KCNQ1: variants seen among roughly 807,000 people sequenced by gnomAD.
KCNQ1 encodes potassium voltage-gated channel subfamily Q member 1.
In KCNQ1, 49 loss-of-function variants were observed where a neutral mutation model predicts 72.4. The ratio of observed to expected loss-of-function variants is 0.68; its 90% CI spans 0.54 to 0.86. The LOEUF is 0.86. Ranked by LOEUF, KCNQ1 falls within the 40% of genes least tolerant of loss-of-function variation. The pLI, the probability that KCNQ1 is intolerant of heterozygous loss-of-function variation, is 0.00. For missense variants in KCNQ1, 790 were observed against 945.1 expected (o/e 0.84, Z 2.15); for synonymous variants, 450 against 412.6 (o/e 1.09, Z -1.10).
intron 2 of KCNQ1, among the ~76,000 whole-genome samples, chr11:2,545,276 A>G (rs569234952): frequency 6.6e-6 from 1 of 152,284 alleles, no homozygotes; most frequent in Admixed American, 6.5e-5. Context: ...TATTAGAGTA[A>G]TGCTGGCATG....
At chr11:2,686,854 C>T in intron 11 of KCNQ1, 2 of 398,698 alleles carry the variant, frequency 5.0e-6, no homozygotes, top group Non-Finnish European at 8.8e-6. Flanking sequence ...CCCCTCTGGC[C>T]AGAGGCCCTG....
chr11:2,495,530 C>T lies in KCNQ1; in HGVS notation c.387-32398C>T, dbSNP rs560519000. Among the ~76,000 whole-genome samples the T allele has an allele frequency of 2.2e-4, 34 of 152,256 alleles. 1 individual carries two copies. The highest frequency in any genetic ancestry group is 7.0e-4 in the African/African-American group (29 of 41,548). ...TAGCTGTGTCCCAGAAATTCTGGTA[C>T]GTTGTCTCTTTGTTTTCATTTGTTT... On this transcript the variant is annotated intron_variant, in intron 1 of 15. Transcript: ENST00000155840. This position sits in a 1 kb window ranked among gnomAD's most constrained non-coding sequence, Gnocchi z 4.6.
At chr11:2,619,076 CAG>C (rs1849119217) in intron 10 of KCNQ1, 1 of 398,300 alleles carries the variant, frequency 2.5e-6, no homozygotes, top group Non-Finnish European at 4.4e-6. Context: ...GTTGCTTTGT[CAG>C]AGTCTTCGGG....
chr11:2,586,369 T>C (rs1349787007), intron 8 of KCNQ1, among the ~76,000 whole-genome samples: 1 of 152,224 alleles, frequency 6.6e-6, no homozygotes, highest in Non-Finnish European at 1.5e-5. Flanking sequence ...CCTGGTTTTA[T>C]GGCTTCACAG....
In KCNQ1 at chr11:2,783,667, A is replaced by G. The variant is rs1035699086; in HGVS notation, c.1794+5630A>G. 6.6e-6 allele frequency among the ~76,000 whole-genome samples: 1 copy of G among 151,994 alleles called. No homozygotes were observed. The highest frequency in any genetic ancestry group is 1.5e-5 in the Non-Finnish European group (1 of 67,870). On this transcript the variant is annotated intron_variant, in intron 15 of 15. Coordinates refer to ENST00000155840, the MANE Select transcript of KCNQ1 (RefSeq NM_000218.3). The surrounding 1 kb of genome is among the most constrained non-coding windows in gnomAD (Gnocchi z 5.2). ...ACTTTCTCCACAGCCTTGCAAATAC[A>G]TGGTCTTTTCTATTTTAGCCCTTTT...
rs904736769 is a variant in KCNQ1 at position 2,544,303 on chromosome 11, T to C, written c.477+16285T>C. On this transcript the variant is annotated intron_variant, in intron 2 of 15. Transcript: ENST00000155840. This position sits in a 1 kb window ranked among gnomAD's most constrained non-coding sequence, Gnocchi z 4.4. ...ATGTGTATATATATATGTATATATG[T>C]GTATATATGTATATATCTATGTATA... 9.5e-6 allele frequency among the ~76,000 whole-genome samples: 1 copy of C among 104,814 alleles called. No homozygotes were observed. The highest frequency in any genetic ancestry group is 1.0e-4 in the Admixed American group (1 of 9,824). 68.8% of individuals were successfully genotyped at this position (104,814 alleles called of 152,430 possible). A position where few individuals can be genotyped will look rare whatever the true frequency, so the allele number is the denominator to read the frequency against.
At chr11:2,641,751 A>T (rs1221212429) in intron 10 of KCNQ1, 3 of 398,326 alleles carry the variant, frequency 7.5e-6, no homozygotes, top group Non-Finnish European at 1.3e-5. Flanking sequence ...TCCTTCATTA[A>T]TAGTGATGTT....
At chr11:2,825,216 C>T (rs1003380426) in intron 15 of KCNQ1, among the ~76,000 whole-genome samples, 2 of 152,328 alleles carry the variant, frequency 1.3e-5, no homozygotes, top group African/African-American at 2.4e-5. Context: ...ACCCTGCTGT[C>T]GGGCGTGTGC....
At position 2,621,012 on chromosome 11, in the gene KCNQ1, C is replaced by T. The variant is rs929807945; in HGVS notation, c.1393+32158C>T. On this transcript the variant is annotated intron_variant, in intron 10 of 15. Transcript: ENST00000155840. This position sits in a 1 kb window ranked among gnomAD's most constrained non-coding sequence, Gnocchi z 5.7. ...TTGTTTTTTGAGAAAGAGTCTTGCT[C>T]TGTCTCCCAGGCTGGAGTGCAGTGG... The T allele has an allele frequency of 2.5e-6, 1 of 395,608 alleles. No homozygotes were observed. The highest frequency in any genetic ancestry group is 4.4e-6 in the Non-Finnish European group (1 of 225,440). 24.5% of individuals were successfully genotyped at this position (395,608 alleles called of 1,614,324 possible).
At chr11:2,504,954 C>T (rs1468338078) in intron 1 of KCNQ1, among the ~76,000 whole-genome samples, 1 of 152,050 alleles carries the variant, frequency 6.6e-6, no homozygotes, top group Non-Finnish European at 1.5e-5. Flanking sequence ...TTATGGGTAT[C>T]AATTTTTCTG....
Position 2,671,098 on chromosome 11 carries a change from TAGTCTGAGC to T in KCNQ1, c.1514+9021_1514+9029del. The T allele has an allele frequency of 7.9e-6, 1 of 126,222 alleles. No homozygotes were observed. The highest frequency in any genetic ancestry group is 1.1e-5 in the Non-Finnish European group (1 of 87,378). The allele number at this position is 126,222 out of a possible 1,614,324, so 7.8% of individuals were successfully genotyped here. ...GGCTAGCAGGAGGAAGTCTGGCAGT[TAGTCTGAGC>T]AGTTAGTCTGTCAGGCCTGGTTGGT... On this transcript the variant is annotated intron_variant, in intron 11 of 15. Transcript: ENST00000155840. The surrounding 1 kb of genome is among the most constrained non-coding windows in gnomAD (Gnocchi z 4.7).
rs1227290334 is a variant in KCNQ1, at chr11:2,837,756, G to C, written c.1795-10011G>C. 2.0e-5 allele frequency among the ~76,000 whole-genome samples: 3 copies of C among 152,252 alleles called. No homozygotes were observed. The East Asian group carries it at 5.8e-4, about 29-fold the overall frequency. The stretch of plus-strand genomic sequence containing the variant: ...AAGGAGAGGGGTGGATGCTCCAGGA[G>C]GCAGGGCCAGCCCATGTGAGGGTCC... On this transcript the variant is annotated intron_variant, in intron 15 of 15. Coordinates refer to ENST00000155840, the MANE Select transcript of KCNQ1 (RefSeq NM_000218.3).
chr11:2,760,780 C>G (rs1846380486), intron 11 of KCNQ1, among the ~76,000 whole-genome samples: 1 of 152,232 alleles, frequency 6.6e-6, no homozygotes, highest in African/African-American at 2.4e-5. Context: ...GTTTCCTTGT[C>G]CCCCTTGCAG....
intron 10 of KCNQ1, chr11:2,633,896 A>G (rs1475129089): frequency 2.3e-5 from 9 of 398,460 alleles, no homozygotes; most frequent in Admixed American, 8.8e-5. Flanking sequence ...CATAGTTTTC[A>G]CTTTTGTGAA....
At position 2,471,838 on chromosome 11, in the gene KCNQ1, C is replaced by T. The variant is rs180868886; in HGVS notation, c.386+26354C>T. Reference sequence around the variant, plus strand: ...TGCACGTGTATGGGTGCGTGTGCACCTATGTGTGTATAGGTGTGTGTGTTT... The same window carrying T: ...TGCACGTGTATGGGTGCGTGTGCACTTATGTGTGTATAGGTGTGTGTGTTT... On this transcript the variant is annotated intron_variant, in intron 1 of 15. Transcript: ENST00000155840. The surrounding 1 kb of genome is among the most constrained non-coding windows in gnomAD (Gnocchi z 4.8). Among the ~76,000 whole-genome samples, 1 of 148,286 alleles carries T rather than the reference C, an allele frequency of 6.7e-6. No individual in the cohort carries two copies. The highest frequency in any genetic ancestry group is 6.7e-5 in the Admixed American group (1 of 14,992).
At position 2,658,623 on chromosome 11, in the gene KCNQ1, G is replaced by C. The variant is rs1162200803; in HGVS notation, c.1394-3338G>C. ...GAATAGAAAACCTGGATCTAGGCAC[G>C]GGGTATGCTCGTGGCTACTAGGGTA... On this transcript the variant is annotated intron_variant, in intron 10 of 15. Transcript: ENST00000155840. The surrounding 1 kb of genome is among the most constrained non-coding windows in gnomAD (Gnocchi z 4.9). 2.5e-6 allele frequency: 1 copy of C among 398,318 alleles called. No individual in the cohort carries two copies. The highest frequency in any genetic ancestry group is 2.1e-5 in the African/African-American group (1 of 48,558). The allele number at this position is 398,318 out of a possible 1,614,324, so 24.7% of individuals were successfully genotyped here.
At chr11:2,761,988 G>A (rs946788080) in intron 11 of KCNQ1, among the ~76,000 whole-genome samples, 2 of 152,250 alleles carry the variant, frequency 1.3e-5, no homozygotes, top group African/African-American at 4.8e-5. Flanking sequence ...CTCACTGGAT[G>A]TGGGGCCGCA....
In KCNQ1 at chr11:2,669,422, G is replaced by A. The variant is rs781419555; in HGVS notation, c.1514+7341G>A. The A allele has an allele frequency of 2.5e-6, 1 of 398,622 alleles. No homozygotes were observed. The highest frequency in any genetic ancestry group is 4.4e-6 in the Non-Finnish European group (1 of 226,072). The allele number at this position is 398,622 out of a possible 1,614,324, so 24.7% of individuals were successfully genotyped here. ...GCATCATGTGTCCCTTGTTTATTTA[G>A]GTTGACTTTCATATCTTTTACCTTG... On this transcript the variant is annotated intron_variant, in intron 11 of 15. Transcript: ENST00000155840. This position sits in a 1 kb window ranked among gnomAD's most constrained non-coding sequence, Gnocchi z 5.6.
At chr11:2,586,135 G>A (rs756851) in intron 8 of KCNQ1, among the ~76,000 whole-genome samples, 43,793 of 152,116 alleles carry the variant, frequency 0.29, 8,929 homozygotes, top group African/African-American at 0.57. Context: ...TAGGGCCTCC[G>A]CCCAGTGCAG....
Sources: allele counts gnomAD v4.1 joint callset (sites outside exome capture counted in the v4.1 genomes callset), GRCh38; gene constraint gnomAD v4.1.1; non-coding constraint Gnocchi (gnomAD v3.1); transcripts MANE v1.5; gene names NCBI Gene and HGNC (gene_info 2026-07-23, HGNC 2026-07-21).